Variants in XIRP2 observed in about 807,000 individuals in gnomAD.
XIRP2 encodes xin actin-binding repeat-containing protein 2.
Under a neutral mutation model 277.0 loss-of-function variants are expected in XIRP2, and 236 were observed. The ratio of observed to expected loss-of-function variants is 0.85; its 90% CI spans 0.77 to 0.95. The LOEUF (loss-of-function observed/expected upper bound fraction) is 0.95. Among genes scored for constraint, XIRP2 ranks in the 40% least tolerant of loss-of-function variants. The pLI is 0.00. For missense variants in XIRP2, 4,640 were observed against 4,157.5 expected (o/e 1.12, Z -3.19); for synonymous variants, 1,490 against 1,416.5 (o/e 1.05, Z -1.17).
At chr2:167,127,627 A>G (rs1389460577) in intron 2 of XIRP2, among the ~76,000 whole-genome samples, 2 of 152,070 alleles carry the variant, frequency 1.3e-5, no homozygotes, top group Admixed American at 6.6e-5. Flanking sequence ...TGAGCCCTAA[A>G]TCTTTCACTC....
chr2:167,110,887 C>A (rs1690732668), intron 2 of XIRP2, among the ~76,000 whole-genome samples: 1 of 152,052 alleles, frequency 6.6e-6, no homozygotes, highest in Non-Finnish European at 1.5e-5. Flanking sequence ...GAAATTTCAT[C>A]ACCCTGGTTA....
At chr2:167,009,896 AC>A in intron 2 of XIRP2, among the ~76,000 whole-genome samples, 1 of 151,812 alleles carries the variant, frequency 6.6e-6, no homozygotes, top group East Asian at 1.9e-4. Flanking sequence ...TCCTTCACCC[AC>A]TTTTTGATGG....
chr2:166,985,132 G>T (rs1274965663), intron 2 of XIRP2, among the ~76,000 whole-genome samples: 2 of 152,074 alleles, frequency 1.3e-5, no homozygotes, highest in Admixed American at 6.5e-5. Flanking sequence ...ACAGTGGTTG[G>T]GGTAATGCTA....
At chr2:167,036,429 G>A (rs895131515) in intron 2 of XIRP2, among the ~76,000 whole-genome samples, 12 of 152,122 alleles carry the variant, frequency 7.9e-5, no homozygotes, top group African/African-American at 2.9e-4. Flanking sequence ...AAATTTGACT[G>A]CCTCACTGGA....
intron 2 of XIRP2, among the ~76,000 whole-genome samples, chr2:167,022,644 C>G (rs1423290822): frequency 6.6e-6 from 1 of 151,882 alleles, no homozygotes; most frequent in African/African-American, 2.4e-5. Flanking sequence ...GTTCCCCTTC[C>G]TGTGTCCATG....
intron 2 of XIRP2, among the ~76,000 whole-genome samples, chr2:167,020,339 A>G (rs1251823503): frequency 6.6e-6 from 1 of 152,000 alleles, no homozygotes; most frequent in East Asian, 1.9e-4. Context: ...ATAATAGTGA[A>G]ACAAATAATG....
chr2:167,152,213 C>T (rs534290268), intron 3 of XIRP2, among the ~76,000 whole-genome samples: 1 of 152,034 alleles, frequency 6.6e-6, no homozygotes, highest in Admixed American at 6.6e-5. Context: ...ACCTTCTGTT[C>T]TGAAGTAGGT....
At chr2:166,986,947 T>C (rs1166687182) in intron 2 of XIRP2, among the ~76,000 whole-genome samples, 2 of 152,230 alleles carry the variant, frequency 1.3e-5, no homozygotes, top group African/African-American at 4.8e-5. Context: ...TCCAAAATAC[T>C]TTCTTATATA....
At chr2:166,937,001 G>A (rs1462165094) in intron 2 of XIRP2, among the ~76,000 whole-genome samples, 2 of 152,104 alleles carry the variant, frequency 1.3e-5, no homozygotes, top group Non-Finnish European at 2.9e-5. Flanking sequence ...AATTACCTTG[G>A]GGAGTATGGC....
chr2:167,071,503 C>G (rs1332236616), intron 2 of XIRP2, among the ~76,000 whole-genome samples: 1 of 152,162 alleles, frequency 6.6e-6, no homozygotes, highest in Non-Finnish European at 1.5e-5. Context: ...GAAAGCTAAA[C>G]TTACCTTATG....
chr2:167,210,671 A>G, intron 3 of XIRP2, 64 bp from the exon 4 acceptor site: 2 of 1,560,826 alleles, frequency 1.3e-6, no homozygotes, highest in Non-Finnish European at 1.8e-6. Flanking sequence ...ACCATTTATA[A>G]GGTGATGCTG....
chr2:167,096,998 G>T (rs1174258113), intron 2 of XIRP2, among the ~76,000 whole-genome samples: 3 of 152,132 alleles, frequency 2.0e-5, no homozygotes, highest in African/African-American at 4.8e-5. Flanking sequence ...GTGTGATGTG[G>T]TGCCAAGAAT....
chr2:166,975,112 T>G (rs1049405450), intron 2 of XIRP2, among the ~76,000 whole-genome samples: 1 of 151,152 alleles, frequency 6.6e-6, no homozygotes, highest in Admixed American at 6.6e-5. Context: ...ACAAAAATTA[T>G]AAATACATAT....
intron 2 of XIRP2, among the ~76,000 whole-genome samples, chr2:167,011,915 G>A (rs535020564): frequency 1.3e-5 from 2 of 152,152 alleles, no homozygotes; most frequent in African/African-American, 4.8e-5. Context: ...GATCAGTGGT[G>A]ATATTCCCTT....
At chr2:167,134,807 C>T (rs1280748476) in intron 2 of XIRP2, among the ~76,000 whole-genome samples, 1 of 152,066 alleles carries the variant, frequency 6.6e-6, no homozygotes, top group Non-Finnish European at 1.5e-5. Context: ...AGTGATTTGA[C>T]CACAAGCACT....
intron 3 of XIRP2, among the ~76,000 whole-genome samples, chr2:167,170,037 G>A (rs1023380809): frequency 1.3e-5 from 2 of 152,096 alleles, no homozygotes; most frequent in Admixed American, 1.3e-4. Context: ...TTAGCTGTAA[G>A]GAATTTTGTA....
At chr2:167,108,995 A>G (rs1202687302) in intron 2 of XIRP2, among the ~76,000 whole-genome samples, 2 of 152,008 alleles carry the variant, frequency 1.3e-5, no homozygotes, top group African/African-American at 4.8e-5. Flanking sequence ...CCCAATAGGT[A>G]CTTTTTCTGA....
At chr2:166,914,753 A>G (rs1312114609) in intron 2 of XIRP2, among the ~76,000 whole-genome samples, 3 of 152,216 alleles carry the variant, frequency 2.0e-5, no homozygotes, top group Non-Finnish European at 4.4e-5. Context: ...AAATGGTTGG[A>G]TAATATATGA....
intron 5 of XIRP2, among the ~76,000 whole-genome samples, chr2:167,221,460 C>CAAAA (rs57006710): frequency 9.5e-5 from 6 of 63,484 alleles, no homozygotes; most frequent in Admixed American, 1.8e-4. Context: ...AACTCCATCT[C>CAAAA]AAAAAAAAAA....
Sources: gnomAD v4.1 joint callset for allele counts (sites outside exome capture counted in the v4.1 genomes callset) on GRCh38, gnomAD v4.1.1 for gene constraint, MANE v1.5 for transcripts, NCBI Gene and HGNC (gene_info 2026-07-23, HGNC 2026-07-21) for gene names.